ANXA8: variants seen among roughly 807,000 people sequenced by gnomAD.
The protein encoded by ANXA8 is VAC-beta.
A neutral mutation model predicts 26.8 loss-of-function variants in ANXA8; 9 were observed. The ratio of observed to expected loss-of-function variants is 0.34; its 90% confidence interval spans 0.20 to 0.59. The LOEUF is 0.59. ANXA8 is among the 20% of genes least tolerant of loss of function. The pLI is 0.84. For synonymous variants in ANXA8, 39 were observed against 94.8 expected (o/e 0.41, Z 3.42); for missense variants, 83 against 238.5 (o/e 0.35, Z 4.29).
the ANXA8 span, among the ~76,000 whole-genome samples, chr10:47,940,101 C>T: frequency 6.6e-6 from 1 of 151,394 alleles, no homozygotes; most frequent in Non-Finnish European, 1.5e-5. Flanking sequence ...AAAACTTTTC[C>T]TGGCTCCCTT....
At chr10:47,529,133 A>C in the ANXA8 span, among the ~76,000 whole-genome samples, 1 of 144,636 alleles carries the variant, frequency 6.9e-6, no homozygotes, top group African/African-American at 2.5e-5. Context: ...AAGAAAGATT[A>C]GGGATGTTTC....
the ANXA8 span, among the ~76,000 whole-genome samples, chr10:47,608,260 G>T: frequency 1.3e-5 from 1 of 74,578 alleles, no homozygotes; most frequent in Non-Finnish European, 2.5e-5. Flanking sequence ...GTAGTATTTT[G>T]TCCAACAAAT....
chr10:47,500,563 C>G, the ANXA8 span, among the ~76,000 whole-genome samples: 1 of 145,530 alleles, frequency 6.9e-6, no homozygotes. Flanking sequence ...CATGAGAAAT[C>G]ACATTCCTTC....
At chr10:47,556,790 C>T in the ANXA8 span, among the ~76,000 whole-genome samples, 5 of 147,198 alleles carry the variant, frequency 3.4e-5, no homozygotes, top group African/African-American at 1.3e-4. Context: ...AGTATTTTTC[C>T]TTTTTTTTCT....
At chr10:47,485,670 T>C (rs2132445629), upstream of ANXA8, among the ~76,000 whole-genome samples, 1 of 152,080 alleles carries the variant, frequency 6.6e-6, no homozygotes, top group South Asian at 2.1e-4. Context: ...TTCTCTTTTT[T>C]TTAATTAAAA....
chr10:47,566,492 G>A, the ANXA8 span, among the ~76,000 whole-genome samples: 1 of 151,416 alleles, frequency 6.6e-6, no homozygotes, highest in Admixed American at 6.6e-5. Context: ...CAAAGCCATA[G>A]GCTGGGGGAG....
the ANXA8 span, among the ~76,000 whole-genome samples, chr10:47,733,195 TTCTTTCTTTCTTTCTTTC>T: frequency 1.8e-5 from 2 of 111,386 alleles, no homozygotes; most frequent in South Asian, 6.6e-4. Context: ...CTTTCTTTCT[TTCTTTCTTTCTTTCTTTC>T]TTTCTTTCTC....
chr10:47,737,901 TC>T, the ANXA8 span, among the ~76,000 whole-genome samples: 1 of 130,612 alleles, frequency 7.7e-6, no homozygotes, highest in Admixed American at 8.4e-5. Flanking sequence ...TTCTGACATT[TC>T]ACATGAATGG....
the ANXA8 span, among the ~76,000 whole-genome samples, chr10:47,533,225 C>CACATACACACA: frequency 1.5e-3 from 146 of 98,440 alleles, 1 homozygote; most frequent in African/African-American, 4.3e-3. Flanking sequence ...ACACACACAC[C>CACATACACACA]CCCGCAGACA....
chr10:47,769,689 CAGTTAAA>C, the ANXA8 span, among the ~76,000 whole-genome samples: 1 of 152,268 alleles, frequency 6.6e-6, no homozygotes, highest in African/African-American at 2.4e-5. Context: ...ATAAAAAAAT[CAGTTAAA>C]AGTGCTGAGC....
At chr10:47,639,956 A>ATTT in the ANXA8 span, among the ~76,000 whole-genome samples, 2 of 133,714 alleles carry the variant, frequency 1.5e-5, no homozygotes, top group African/African-American at 6.2e-5. Flanking sequence ...TAATTTTTGT[A>ATTT]TTTTTTTTTT....
At chr10:47,644,156 C>T in the ANXA8 span, among the ~76,000 whole-genome samples, 1 of 139,854 alleles carries the variant, frequency 7.2e-6, no homozygotes, top group Non-Finnish European at 1.5e-5. Flanking sequence ...TACATTTGAA[C>T]ACTCTTTAGT....
upstream of ANXA8, among the ~76,000 whole-genome samples, chr10:47,487,691 A>G (rs1840072043): frequency 2.8e-5 from 4 of 145,060 alleles, no homozygotes; most frequent in Admixed American, 6.9e-5. Flanking sequence ...CCATTTTTAT[A>G]TTGGGTTGTT....
chr10:47,896,071 A>G, the ANXA8 span, among the ~76,000 whole-genome samples: 1 of 149,970 alleles, frequency 6.7e-6, no homozygotes, highest in Non-Finnish European at 1.5e-5. Flanking sequence ...CCTCTTGGGA[A>G]TATGAGACAA....
chr10:47,756,527 G>C, the ANXA8 span, among the ~76,000 whole-genome samples: 2 of 136,782 alleles, frequency 1.5e-5, no homozygotes, highest in Non-Finnish European at 3.1e-5. Flanking sequence ...CTGTTGGGGG[G>C]CTGCTCACTG....
At chr10:47,592,568 T>C in the ANXA8 span, among the ~76,000 whole-genome samples, 8 of 148,756 alleles carry the variant, frequency 5.4e-5, 1 homozygote, top group African/African-American at 2.1e-4. Flanking sequence ...ATCCACTGCA[T>C]AGCTTGAGTG....
chr10:47,779,254 A>G, the ANXA8 span, among the ~76,000 whole-genome samples: 1 of 106,044 alleles, frequency 9.4e-6, no homozygotes, highest in African/African-American at 3.9e-5. Context: ...GGCAAGAAGC[A>G]TCCAGCAAAC....
the ANXA8 span, among the ~76,000 whole-genome samples, chr10:47,503,855 A>AC: frequency 5.4e-5 from 6 of 110,544 alleles, no homozygotes; most frequent in Non-Finnish European, 1.0e-4. Context: ...AATTGCTTGA[A>AC]CAGGGACCTG....
At chr10:47,920,719 G>A in the ANXA8 span, 1 of 140,802 alleles carries the variant, frequency 7.1e-6, no homozygotes, top group East Asian at 2.0e-4. Context: ...GAATCACATA[G>A]TCTACTTGTT....
Sources: allele counts gnomAD v4.1 joint callset (sites outside exome capture counted in the v4.1 genomes callset), GRCh38; gene constraint gnomAD v4.1.1; transcripts MANE v1.5; gene names NCBI Gene and HGNC (gene_info 2026-07-23, HGNC 2026-07-21).